Variants in SNX6 observed in about 807,000 individuals in gnomAD.
SNX6 encodes the protein sorting nexin-6.
Under a neutral mutation model 63.0 loss-of-function variants are expected in SNX6, and 34 were observed. That is an observed-to-expected ratio of 0.54 (90% confidence interval 0.41 to 0.72). SNX6 has a LOEUF of 0.72. Ranked by LOEUF, SNX6 falls within the 30% of genes least tolerant of loss-of-function variation. The probability of loss-of-function intolerance (pLI) is 0.00; values close to 1 mark genes in which losing one functional copy is unlikely to be tolerated. For missense variants in SNX6, 398 were observed against 471.4 expected, an observed-to-expected ratio of 0.84 and a Z score of 1.44; for synonymous variants, 170 against 164.2, an observed-to-expected ratio of 1.04 and a Z score of -0.27.
chr14:34,587,919 T>C (rs1323820322), intron 8 of SNX6, among the ~76,000 whole-genome samples: 1 of 151,332 alleles, frequency 6.6e-6, no homozygotes, highest in Non-Finnish European at 1.5e-5. Context: ...CAAGTGATTC[T>C]CGTGCCTCAG....
intron 2 of SNX6, among the ~76,000 whole-genome samples, chr14:34,628,158 T>C (rs894265193): frequency 6.6e-6 from 1 of 151,954 alleles, no homozygotes; most frequent in African/African-American, 2.4e-5. Flanking sequence ...GGTGAGACCC[T>C]GTCTCTATAA....
intron 10 of SNX6, 79 bp downstream of exon 10, chr14:34,581,482 G>T: frequency 1.2e-6 from 1 of 861,022 alleles, no homozygotes; most frequent in Non-Finnish European, 1.8e-6. Context: ...AAAATTTTCT[G>T]AATTGTGGTA....
chr14:34,564,185 G>A (rs1238536240), intron 13 of SNX6, among the ~76,000 whole-genome samples: 4 of 151,854 alleles, frequency 2.6e-5, no homozygotes, highest in African/African-American at 9.7e-5. Flanking sequence ...GTGCCACCAC[G>A]CTGGCTAATT....
At chr14:34,578,041 G>A (rs900916763) in intron 10 of SNX6, among the ~76,000 whole-genome samples, 17 of 146,678 alleles carry the variant, frequency 1.2e-4, no homozygotes, top group Admixed American at 4.7e-4. Context: ...CCACCCCCCC[G>A]TCTCTACATA....
chr14:34,571,995 T>C (rs571364253), intron 11 of SNX6, among the ~76,000 whole-genome samples: 2 of 152,290 alleles, frequency 1.3e-5, no homozygotes, highest in East Asian at 1.9e-4. Context: ...CCTGCTTTCA[T>C]TTCTCTTGGG....
Position 34,623,880 on chromosome 14 carries a change from C to T in SNX6, c.54+6027G>A, listed in dbSNP as rs115987397. 3.3e-3 allele frequency among the ~76,000 whole-genome samples: 499 copies of T among 152,254 alleles called. 2 individuals are homozygous for T. The highest frequency in any genetic ancestry group is 0.012 in the African/African-American group (484 of 41,544). The stretch of plus-strand genomic sequence containing the variant: ...GAAATCAAGTGCAAAGAGAATCATG[C>T]CATCACTCTGGCATGCACTGTTCTT... On this transcript the variant is annotated intron_variant, in intron 2 of 13. Transcript: ENST00000362031.
chr14:34,603,588 A>G, intron 5 of SNX6, 117 bp from the exon 6 acceptor site: 1 of 813,264 alleles, frequency 1.2e-6, no homozygotes. Context: ...AGAGATACAA[A>G]GATATAATTC....
intron 3 of SNX6, among the ~76,000 whole-genome samples, chr14:34,608,936 G>A (rs904220833): frequency 1.3e-5 from 2 of 152,070 alleles, no homozygotes; most frequent in Admixed American, 6.6e-5. Flanking sequence ...GCTGAGACAG[G>A]AGAACTGCTT....
chr14:34,564,395 T>C (rs1417537603), intron 13 of SNX6, among the ~76,000 whole-genome samples: 2 of 152,138 alleles, frequency 1.3e-5, no homozygotes, highest in East Asian at 1.9e-4. Flanking sequence ...GAACACCCAG[T>C]TGTGATAACC....
At chr14:34,593,262 C>A in intron 7 of SNX6, 112 bp from the exon 8 acceptor site, 2 of 638,654 alleles carry the variant, frequency 3.1e-6, no homozygotes, top group Non-Finnish European at 5.3e-6. Context: ...CATACCTATC[C>A]TCAGTCAGAT....
intron 6 of SNX6, among the ~76,000 whole-genome samples, chr14:34,600,121 T>A (rs1882752210): frequency 6.6e-6 from 1 of 152,092 alleles, no homozygotes; most frequent in Non-Finnish European, 1.5e-5. Flanking sequence ...TACTCAAAAA[T>A]TTTAGTTTCT....
rs779500344 is a variant in SNX6, at chr14:34,603,323, G to T, written c.516+25C>A. 5.1e-6 allele frequency: 8 copies of T among 1,561,390 alleles called. No individual in the cohort carries two copies. The African/African-American group carries it at 5.6e-5, about 11-fold the overall frequency. ...AAGAAGAAGAAGAAAAAGAAAACTT[G>T]ACCACCAATCAATGTGATACTCACA... is the stretch of plus-strand genomic sequence containing the variant. On this transcript the variant is annotated intron_variant, in intron 6 of 13. Coordinates refer to ENST00000362031, the MANE Select transcript of SNX6 (RefSeq NM_152233.4).
chr14:34,616,078 C>T (rs1883409085), intron 2 of SNX6, among the ~76,000 whole-genome samples: 2 of 152,170 alleles, frequency 1.3e-5, no homozygotes, highest in South Asian at 4.1e-4. Context: ...GCCTCAGCCT[C>T]CTGAGTAGCT....
intron 6 of SNX6, among the ~76,000 whole-genome samples, chr14:34,602,747 T>C (rs1239731346): frequency 5.3e-5 from 8 of 151,914 alleles, no homozygotes; most frequent in Non-Finnish European, 1.2e-4. Context: ...GAGGCTGAGG[T>C]GGGTGGATCA....
chr14:34,598,673 A>C (rs188334645), intron 6 of SNX6, among the ~76,000 whole-genome samples: 499 of 152,270 alleles, frequency 3.3e-3, no homozygotes, highest in Non-Finnish European at 6.1e-3. Flanking sequence ...ATGAGCCATC[A>C]CGACTGGCCC....
intron 2 of SNX6, among the ~76,000 whole-genome samples, chr14:34,617,084 T>TA (rs963140164): frequency 6.6e-5 from 10 of 151,920 alleles, no homozygotes; most frequent in Non-Finnish European, 1.0e-4. Flanking sequence ...TGTCTCGGGT[T>TA]AAAAAAATTT....
intron 2 of SNX6, among the ~76,000 whole-genome samples, chr14:34,624,631 A>T (rs1488997691): frequency 1.3e-5 from 2 of 151,692 alleles, no homozygotes; most frequent in Non-Finnish European, 2.9e-5. Context: ...CCTCGTCTCT[A>T]CTAAAAATAC....
chr14:34,605,680 G>A lies in SNX6; in HGVS notation c.308C>T (p.Ser103Leu). The A allele has an allele frequency of 6.2e-7, 1 of 1,609,642 alleles. No homozygotes were observed. Among genetic ancestry groups the A allele is most frequent in the East Asian group, 2.2e-5 (1 of 44,702 alleles). The change falls in exon 5 of 14, where the codon TCA (serine) becomes TTA (leucine). Residue 103 changes from serine (S) to leucine (L), a missense_variant. Transcript: ENST00000362031. ...ACCAAGCTTCTGTAGTTTTTCCCTT[G>A]AAGCATCAAAATCAGGTCTTGGTGG... is the stretch of plus-strand genomic sequence containing the variant. ...PAPPRPDFDA[S>L]REKLQKLGEG...
At chr14:34,587,639 T>G (rs943200815) in intron 8 of SNX6, among the ~76,000 whole-genome samples, 2 of 150,084 alleles carry the variant, frequency 1.3e-5, no homozygotes, top group Non-Finnish European at 3.0e-5. Context: ...CAAACAAAAT[T>G]TATTTATTTG....
Sources: gnomAD v4.1 joint callset for allele counts (sites outside exome capture counted in the v4.1 genomes callset) on GRCh38, gnomAD v4.1.1 for gene constraint, MANE v1.5 for transcripts, NCBI Gene and HGNC (gene_info 2026-07-23, HGNC 2026-07-21) for gene names.